Variants in ROBO2 observed in about 807,000 individuals in gnomAD.
ROBO2 encodes roundabout homolog 2.
ROBO2 carries 53 observed loss-of-function variants against 160.8 expected under a neutral mutation model. That is an observed-to-expected ratio of 0.33 (90% CI 0.26 to 0.41). ROBO2 has a LOEUF of 0.41. ROBO2 is among the 10% of genes least tolerant of loss of function. The pLI is 1.00. For missense variants in ROBO2, 1,577 were observed against 1,722.4 expected, an observed-to-expected ratio of 0.92 and a Z score of 1.49; for synonymous variants, 664 against 611.7, an observed-to-expected ratio of 1.09 and a Z score of -1.26.
intron 2 of ROBO2, among the ~76,000 whole-genome samples, chr3:75,971,438 A>C (rs1436455079): frequency 6.6e-6 from 1 of 151,526 alleles, no homozygotes; most frequent in African/African-American, 2.4e-5. Context: ...TCCAAATTCT[A>C]GTTATCTTGC....
chr3:77,402,176 G>C (rs965769498), intron 2 of ROBO2, among the ~76,000 whole-genome samples: 1 of 152,048 alleles, frequency 6.6e-6, no homozygotes, highest in African/African-American at 2.4e-5. Flanking sequence ...AACTAACACA[G>C]GAAAAGAAAA....
chr3:76,709,172 A>G (rs951943274), intron 2 of ROBO2, among the ~76,000 whole-genome samples: 1 of 152,210 alleles, frequency 6.6e-6, no homozygotes, highest in Non-Finnish European at 1.5e-5. Flanking sequence ...AAAATTAGAT[A>G]TGCATTCCCC....
At chr3:76,524,857 AAAAAAAAAAT>A (rs2081854577) in intron 2 of ROBO2, among the ~76,000 whole-genome samples, 2 of 133,270 alleles carry the variant, frequency 1.5e-5, no homozygotes, top group African/African-American at 5.8e-5. Flanking sequence ...AAAAAAAAAA[AAAAAAAAAAT>A]AAGTAAAATC....
At chr3:76,608,054 C>T (rs1232542683) in intron 2 of ROBO2, among the ~76,000 whole-genome samples, 1 of 152,220 alleles carries the variant, frequency 6.6e-6, no homozygotes, top group Non-Finnish European at 1.5e-5. Context: ...ACAAAACCCT[C>T]TGCTTACAAA....
intron 2 of ROBO2, among the ~76,000 whole-genome samples, chr3:76,357,802 A>T (rs2075265128): frequency 6.6e-6 from 1 of 151,674 alleles, no homozygotes; most frequent in East Asian, 1.9e-4. Context: ...GCAATATATA[A>T]CTAAGAATTA....
At chr3:77,590,920 T>G (rs941902636) in intron 17 of ROBO2, among the ~76,000 whole-genome samples, 2 of 152,116 alleles carry the variant, frequency 1.3e-5, no homozygotes, top group Non-Finnish European at 2.9e-5. Context: ...ACTCATCTGC[T>G]TGTAGACGAA....
At chr3:77,286,351 A>G (rs7426449) in intron 2 of ROBO2, among the ~76,000 whole-genome samples, 47,798 of 148,394 alleles carry the variant, frequency 0.32, 7,985 homozygotes, top group Non-Finnish European at 0.37. Flanking sequence ...CCACCTCCCA[A>G]GTTCGAACGA....
At chr3:75,933,956 A>G (rs1254457593) in intron 1 of ROBO2, among the ~76,000 whole-genome samples, 4 of 152,316 alleles carry the variant, frequency 2.6e-5, no homozygotes, top group Admixed American at 1.3e-4. Flanking sequence ...TCTAGGCTCC[A>G]TCGGACAACT....
intron 1 of ROBO2, among the ~76,000 whole-genome samples, chr3:75,917,125 C>T (rs1316166566): frequency 6.6e-6 from 1 of 152,032 alleles, no homozygotes; most frequent in Non-Finnish European, 1.5e-5. Context: ...CACCTATCAA[C>T]CCGTTATCTA....
Position 76,187,886 on chromosome 3 carries a change from T to C in ROBO2, c.109+250284T>C, listed in dbSNP as rs146428179. Among the ~76,000 whole-genome samples, 660 of 152,228 alleles carry C rather than the reference T, an allele frequency of 4.3e-3. 11 individuals carry two copies. Among genetic ancestry groups the C allele is most frequent in the East Asian group, 0.035 (180 of 5,152 alleles). On this transcript the variant is annotated intron_variant, in intron 2 of 26. Coordinates refer to the ROBO2 transcript ENST00000487694. ...TGTTAAAACCTATCAAAAGAACCCA[T>C]TGGTGAACCTATTGCACTCATGGTA...
chr3:76,729,736 C>G (rs754484319), intron 2 of ROBO2, among the ~76,000 whole-genome samples: 1 of 151,374 alleles, frequency 6.6e-6, no homozygotes, highest in Non-Finnish European at 1.5e-5. Flanking sequence ...CTCCCATGTT[C>G]AAGCAATTCT....
intron 2 of ROBO2, among the ~76,000 whole-genome samples, chr3:77,024,541 A>G (rs565819104): frequency 6.6e-6 from 1 of 152,254 alleles, no homozygotes; most frequent in South Asian, 2.1e-4. Flanking sequence ...AGAATGGTGT[A>G]CTTAATGTTA....
chr3:76,919,796 A>G (rs1208283518), intron 2 of ROBO2, among the ~76,000 whole-genome samples: 1 of 151,822 alleles, frequency 6.6e-6, no homozygotes, highest in African/African-American at 2.4e-5. Flanking sequence ...GAAATCCTAA[A>G]CTCTTTGAAT....
chr3:76,758,921 A>G (rs1286614332), intron 2 of ROBO2, among the ~76,000 whole-genome samples: 1 of 151,900 alleles, frequency 6.6e-6, no homozygotes. Context: ...CCCACCTCAC[A>G]TACATGAAAT....
At chr3:77,647,464 A>T (rs1170127615) in exon 26 of ROBO2, 2 of 152,208 alleles carry the variant, frequency 1.3e-5, no homozygotes, top group Non-Finnish European at 2.9e-5. Flanking sequence ...AAAAAAATGC[A>T]TGTTTATAAA....
chr3:76,501,581 C>T (rs1475783133), intron 2 of ROBO2, among the ~76,000 whole-genome samples: 1 of 152,276 alleles, frequency 6.6e-6, no homozygotes, highest in East Asian at 1.9e-4. Context: ...CTGCAACAAT[C>T]TTTTCATGTT....
At position 77,461,056 on chromosome 3, in the gene ROBO2, C is replaced by G. The variant is rs138604102; in HGVS notation, c.389-16358C>G. On this transcript the variant is annotated intron_variant, in intron 2 of 25. Coordinates refer to ENST00000461745, the Ensembl canonical transcript of ROBO2. ...AATGATTTTCAATTACTAATAAACA[C>G]CATCTTTCATATGACTATTTTTTAT... Among the ~76,000 whole-genome samples, 1,098 of 151,986 alleles carry G rather than the reference C, an allele frequency of 7.2e-3. 9 individuals are homozygous for G. The highest frequency in any genetic ancestry group is 0.011 in the Non-Finnish European group (714 of 67,940).
intron 2 of ROBO2, among the ~76,000 whole-genome samples, chr3:75,973,728 G>A (rs940055821): frequency 6.6e-6 from 1 of 151,600 alleles, no homozygotes; most frequent in African/African-American, 2.4e-5. Flanking sequence ...AATGACAGCA[G>A]GCCATGGAAA....
chr3:76,319,796 T>G (rs139289056), intron 2 of ROBO2, among the ~76,000 whole-genome samples: 3,396 of 152,094 alleles, frequency 0.022, 67 homozygotes, highest in Non-Finnish European at 0.032. Context: ...AAGTTATTCC[T>G]GTTCTTGTTT....
Sources: gnomAD v4.1 joint callset for allele counts (sites outside exome capture counted in the v4.1 genomes callset) on GRCh38, gnomAD v4.1.1 for gene constraint, MANE v1.5 for transcripts, NCBI Gene and HGNC (gene_info 2026-07-23, HGNC 2026-07-21) for gene names.